Variants in ZNF841 observed in about 807,000 individuals in gnomAD.
ZNF841 encodes the protein zinc finger protein 841, also known as TCONS_00006091.
A neutral mutation model predicts 13.0 loss-of-function variants in ZNF841; 11 were observed. The observed-to-expected ratio is 0.85, with a 90% CI of 0.53 to 1.40. The LOEUF is 1.40. ZNF841 is among the 40% of genes most tolerant of loss of function. The pLI is 0.00. For missense variants in ZNF841, 1,068 were observed against 1,139.5 expected (o/e 0.94, Z 0.90); for synonymous variants, 369 against 381.6 (o/e 0.97, Z 0.38).
intron 6 of ZNF841, among the ~76,000 whole-genome samples, chr19:52,068,049 T>C (rs913937157): frequency 9.9e-5 from 15 of 151,868 alleles, no homozygotes; most frequent in Non-Finnish European, 1.2e-4. Flanking sequence ...TAATAAATAA[T>C]CATAATATAA....
At chr19:52,059,309 C>G in the ZNF841 span, among the ~76,000 whole-genome samples, 7 of 136,778 alleles carry the variant, frequency 5.1e-5, no homozygotes, top group African/African-American at 1.7e-4. Flanking sequence ...GAGATCGCGC[C>G]GCTGCACTCC....
At position 52,065,131 on chromosome 19, in the gene ZNF841, GACA is replaced by G. The variant is rs1238549215; in HGVS notation, c.2748_2750del (p.Val917del). On this transcript the variant is annotated inframe_deletion, in exon 7 of 7. Transcript: ENST00000594440. The stretch of plus-strand genomic sequence containing the variant: ...ATTATTTGGGGATCCCAGAGGTTAG[GACA>G]ACATCTAACGGCCTTTCCACATTGA... 1.3e-6 allele frequency: 2 copies of G among 1,546,310 alleles called. No homozygotes were observed. Among genetic ancestry groups the G allele is most frequent in the African/African-American group, 1.4e-5 (1 of 72,614 alleles).
intron 2 of ZNF841, 149 bp from the exon 3 acceptor site, chr19:52,089,151 T>C (rs1023208410): frequency 2.6e-5 from 4 of 152,204 alleles, no homozygotes; most frequent in Admixed American, 6.5e-5. Context: ...GGCATACCTG[T>C]AGACTCTAAT....
intron 4 of ZNF841, among the ~76,000 whole-genome samples, chr19:52,081,735 T>A (rs2088105674): frequency 6.6e-6 from 1 of 152,120 alleles, no homozygotes; most frequent in Non-Finnish European, 1.5e-5. Context: ...ATGCCTGTAG[T>A]CCCAGCTACT....
Position 52,064,939 on chromosome 19 carries a change from C to T in ZNF841, c.*168G>A, listed in dbSNP as rs2087491567. 2 of 546,414 alleles carry T rather than the reference C, an allele frequency of 3.7e-6. No homozygotes were observed. The highest frequency in any genetic ancestry group is 6.2e-5 in the East Asian group (2 of 32,204). 33.8% of individuals were successfully genotyped at this position (546,414 alleles called of 1,614,324 possible). Reference sequence around the variant, plus strand: ...ATGAGCCAGACCTCATGAGAACTATCACAAGGACAGCAACAAGGGGATGGT... The same window carrying T: ...ATGAGCCAGACCTCATGAGAACTATTACAAGGACAGCAACAAGGGGATGGT... On this transcript the variant is annotated 3_prime_UTR_variant, in exon 7 of 7. Transcript: ENST00000594440.
rs1421568061 is a variant in ZNF841, at chr19:52,067,128, CGTCTT to C, written c.749_753del (p.Gln250ArgfsTer6). On this transcript the variant is annotated frameshift_variant, in exon 7 of 7. Coordinates refer to ENST00000594440, the MANE Select transcript of ZNF841 (RefSeq NM_001136499.2). LOFTEE classifies it low-confidence loss of function (END_TRUNC). Reference sequence around the variant, plus strand: ...GGTTTTTCCCTAATATGTGTTTTCTCGTCTTGTGTAGGTAACGAAAGTTGCAAAAA... The same window carrying C: ...GGTTTTTCCCTAATATGTGTTTTCTCGTGTAGGTAACGAAAGTTGCAAAAA... The C allele has an allele frequency of 6.4e-7, 1 of 1,566,564 alleles. No individual in the cohort carries two copies. Among genetic ancestry groups the C allele is most frequent in the Non-Finnish European group, 8.7e-7 (1 of 1,154,158 alleles).
intron 4 of ZNF841, among the ~76,000 whole-genome samples, chr19:52,078,107 T>C (rs546732489): frequency 3.3e-5 from 5 of 152,006 alleles, no homozygotes; most frequent in Admixed American, 2.0e-4. Flanking sequence ...CTGGCCAATA[T>C]GGTGAAACCC....
chr19:52,062,648 C>G (rs1413971761), downstream of ZNF841, among the ~76,000 whole-genome samples: 4 of 152,186 alleles, frequency 2.6e-5, no homozygotes, highest in Non-Finnish European at 4.4e-5. Flanking sequence ...AAATAGTCAA[C>G]TAGCCTTTTT....
chr19:52,095,335 G>A (rs2088632824), intron 1 of ZNF841, among the ~76,000 whole-genome samples: 3 of 152,192 alleles, frequency 2.0e-5, no homozygotes, highest in African/African-American at 7.2e-5. Flanking sequence ...GGCTCCTTCA[G>A]GAGCCGGACA....
At chr19:52,090,654 GGAAAGAAAGAAAGAAAGAAAGAAA>G (rs60931653) in intron 2 of ZNF841, among the ~76,000 whole-genome samples, 11 of 84,582 alleles carry the variant, frequency 1.3e-4, no homozygotes, top group African/African-American at 4.8e-4. Context: ...AAGGAAGGAA[GGAAAGAAAGAAAGAAAGAAAGAAA>G]GAAAGAAAGA....
Position 52,067,561 on chromosome 19 carries a change from A to G in ZNF841, c.321T>C (p.Ser107=), listed in dbSNP as rs985148223. The G allele has an allele frequency of 2.5e-6, 4 of 1,597,374 alleles. No individual in the cohort carries two copies. In the African/African-American group the frequency reaches 5.4e-5, roughly 22 times the overall value. Residue 107 remains serine, a synonymous_variant, in exon 7 of 7, where the codon AGT becomes AGC. Transcript: ENST00000594440. The stretch of plus-strand genomic sequence containing the variant: ...CTGCTTGGAATTTTTCTCCTGTGTT[A>G]CTGTTCTGTATTGGTGGTAATTCCT... ...VIKELPPIQN[S]NTGEKFQAVM... is the part of the protein sequence containing the mutation.
At chr19:52,087,552 T>C (rs2088315841) in intron 3 of ZNF841, among the ~76,000 whole-genome samples, 1 of 152,172 alleles carries the variant, frequency 6.6e-6, no homozygotes, top group Admixed American at 6.5e-5. Context: ...GATCTCATTG[T>C]TTTTTATGGG....
At chr19:52,094,989 T>C (rs539892471) in intron 1 of ZNF841, among the ~76,000 whole-genome samples, 1 of 152,276 alleles carries the variant, frequency 6.6e-6, no homozygotes, top group East Asian at 1.9e-4. Flanking sequence ...CCCTCATTCT[T>C]TTCTCCTCAG....
chr19:52,076,968 G>C lies in ZNF841; in HGVS notation c.132C>G (p.Leu44=), dbSNP rs368816405. ...RDVMLENYRN[L]GFLGLCLPDL... is the part of the protein sequence containing the mutation. ...GAAAACTATCCTCACCCAGGAAGCC[G>C]AGGTTCCTGTAGTTCTCCAACATCA... is the stretch of plus-strand genomic sequence containing the variant. Residue 44 remains leucine (L), a synonymous_variant, in exon 5 of 7, where the codon CTC becomes CTG. Transcript: ENST00000594440. 6.2e-7 allele frequency: 1 copy of C among 1,612,858 alleles called. No homozygotes were observed. Among genetic ancestry groups the C allele is most frequent in the Non-Finnish European group, 8.5e-7 (1 of 1,179,258 alleles).
At chr19:52,091,914 C>A (rs1197847372) in intron 2 of ZNF841, among the ~76,000 whole-genome samples, 1 of 152,150 alleles carries the variant, frequency 6.6e-6, no homozygotes, top group African/African-American at 2.4e-5. Flanking sequence ...CTTTGGGACG[C>A]CAAGACAGGC....
chr19:52,091,400 A>C (rs2123388295), intron 2 of ZNF841, among the ~76,000 whole-genome samples: 1 of 152,342 alleles, frequency 6.6e-6, no homozygotes, highest in East Asian at 1.9e-4. Context: ...AGCAGTGTTG[A>C]AAAAGAACAT....
downstream of ZNF841, chr19:52,063,527 T>C (rs1438598853): frequency 6.6e-6 from 1 of 152,016 alleles, no homozygotes; most frequent in Non-Finnish European, 1.5e-5. Context: ...TTGTATTTTT[T>C]AGTAGAGATG....
chr19:52,073,445 T>C (rs149216645), intron 6 of ZNF841, among the ~76,000 whole-genome samples: 3 of 152,202 alleles, frequency 2.0e-5, no homozygotes, highest in African/African-American at 4.8e-5. Context: ...ATTACATGCA[T>C]GTGCCACCAC....
chr19:52,065,414 C>T lies in ZNF841; in HGVS notation c.2468G>A (p.Cys823Tyr). The change falls in exon 7 of 7, where the codon TGT becomes TAT. Residue 823 changes from cysteine (C) to tyrosine (Y), a missense_variant. Physicochemically the swap from Cys to Tyr is radical, Grantham distance 194. Coordinates refer to ENST00000594440, the MANE Select transcript of ZNF841 (RefSeq NM_001136499.2). ...MMHTGEKPYK[C>Y]NECGKAFIER... is the part of the protein sequence containing the mutation. ...GATAAAAGCTTTACCACATTCATTA[C>T]ATTTATAAGGTTTCTCTCCAGTATG... The T allele has an allele frequency of 6.2e-7, 1 of 1,612,922 alleles. No homozygotes were observed. The highest frequency in any genetic ancestry group is 8.5e-7 in the Non-Finnish European group (1 of 1,179,398).
Sources: gnomAD v4.1 joint callset for allele counts (sites outside exome capture counted in the v4.1 genomes callset) on GRCh38, gnomAD v4.1.1 for gene constraint, MANE v1.5 for transcripts, NCBI Gene and HGNC (gene_info 2026-07-23, HGNC 2026-07-21) for gene names.